The following MET variants were observed in gnomAD, a reference collection of about 807,000 sequenced individuals.
MET encodes MET proto-oncogene, receptor tyrosine kinase, also known as hepatocyte growth factor receptor.
MET carries 48 observed loss-of-function variants against 133.1 expected under a neutral mutation model. That is an observed-to-expected ratio of 0.36 (90% CI 0.29 to 0.46). MET has a LOEUF of 0.46. MET is among the 20% of genes least tolerant of loss of function. The pLI, the probability that MET is intolerant of heterozygous loss-of-function variation, is 1.00. For synonymous variants in MET, 628 were observed against 616.5 expected (o/e 1.02, Z -0.28); for missense variants, 1,442 against 1,695.9 (o/e 0.85, Z 2.63).
chr7:116,764,246 G>C (rs900017008), intron 11 of MET, among the ~76,000 whole-genome samples: 5 of 152,062 alleles, frequency 3.3e-5, no homozygotes, highest in African/African-American at 1.2e-4. Flanking sequence ...CCTCATTATT[G>C]TGTTTTGTAC....
intron 10 of MET, 122 bp downstream of exon 10, chr7:116,759,612 A>T (rs1794318508): frequency 9.3e-7 from 1 of 1,071,824 alleles, no homozygotes; most frequent in Admixed American, 2.0e-5. Context: ...ATTTCCTTGC[A>T]GTGTAGCCAA....
chr7:116,683,393 T>C (rs1471475217), intron 1 of MET, among the ~76,000 whole-genome samples: 1 of 152,230 alleles, frequency 6.6e-6, no homozygotes, highest in Non-Finnish European at 1.5e-5. Flanking sequence ...CAGAATCTCA[T>C]TCTTTTTTAT....
chr7:116,796,202 A>T lies in MET; in HGVS notation c.*78A>T. 7.3e-7 allele frequency: 1 copy of T among 1,366,446 alleles called. No individual in the cohort carries two copies. The highest frequency in any genetic ancestry group is 1.2e-5 in the South Asian group (1 of 85,760). The allele number at this position is 1,366,446 out of a possible 1,614,324, so 84.6% of individuals were successfully genotyped here. On this transcript the variant is annotated 3_prime_UTR_variant, in exon 21 of 21. Transcript: ENST00000397752. ...CTGCCTGACCTTTAAAAGGCCATCG[A>T]TATTCTTTGCTCTTGCCAAAATTGC...
At position 116,683,276 on chromosome 7, in the gene MET, G is replaced by A. The variant is rs114709616; in HGVS notation, c.-15+10699G>A. Among the ~76,000 whole-genome samples the A allele has an allele frequency of 4.6e-3, 704 of 152,176 alleles. 4 individuals are homozygous for A. The highest frequency in any genetic ancestry group is 0.016 in the African/African-American group (663 of 41,528). ...TTCTTTGTGTTCATAGGTTCTCATC[G>A]TTTAGCTCCCACTTATAAGTGAGAA... On this transcript the variant is annotated intron_variant, in intron 1 of 20. Transcript: ENST00000397752.
intron 11 of MET, among the ~76,000 whole-genome samples, chr7:116,763,748 T>A (rs988091939): frequency 2.0e-5 from 3 of 152,212 alleles, no homozygotes; most frequent in African/African-American, 7.2e-5. Flanking sequence ...AGGAACATAT[T>A]AGCTTCTAAA....
intron 2 of MET, among the ~76,000 whole-genome samples, chr7:116,727,545 C>A (rs1252217722): frequency 2.0e-5 from 3 of 152,156 alleles, no homozygotes; most frequent in Non-Finnish European, 4.4e-5. Flanking sequence ...TGGTTCCCTG[C>A]GGGTGCTGGT....
intron 4 of MET, 139 bp from the exon 5 acceptor site, chr7:116,740,713 C>G: frequency 9.8e-7 from 1 of 1,023,576 alleles, no homozygotes; most frequent in Non-Finnish European, 1.5e-6. Flanking sequence ...ACCGTTATGA[C>G]AGGATTTGCA....
At chr7:116,703,435 T>C in intron 2 of MET, among the ~76,000 whole-genome samples, 1 of 152,170 alleles carries the variant, frequency 6.6e-6, no homozygotes, top group East Asian at 1.9e-4. Context: ...TGATTGAAGT[T>C]GTTTTAGGCT....
At chr7:116,713,312 G>A (rs901007056) in intron 2 of MET, among the ~76,000 whole-genome samples, 1 of 151,204 alleles carries the variant, frequency 6.6e-6, no homozygotes, top group South Asian at 2.1e-4. Context: ...GGAGAATGGC[G>A]TGAACCCGGG....
At chr7:116,746,080 A>G (rs1486638297) in intron 5 of MET, among the ~76,000 whole-genome samples, 1 of 152,250 alleles carries the variant, frequency 6.6e-6, no homozygotes, top group African/African-American at 2.4e-5. Flanking sequence ...AAACCAATTT[A>G]CAAGAAAAAT....
intron 1 of MET, among the ~76,000 whole-genome samples, chr7:116,696,415 C>T (rs1247695567): frequency 1.3e-5 from 2 of 152,148 alleles, no homozygotes; most frequent in East Asian, 3.8e-4. Flanking sequence ...TTTTGCTTGT[C>T]TTCCCTTTGA....
chr7:116,700,714 G>T (rs953969205), intron 2 of MET, among the ~76,000 whole-genome samples: 5 of 152,130 alleles, frequency 3.3e-5, no homozygotes, highest in Non-Finnish European at 5.9e-5. Flanking sequence ...AAGCTAATTT[G>T]TATGCCTTAA....
At chr7:116,707,173 AG>A (rs1015342126) in intron 2 of MET, among the ~76,000 whole-genome samples, 1 of 152,088 alleles carries the variant, frequency 6.6e-6, no homozygotes, top group Non-Finnish European at 1.5e-5. Context: ...TCCCCACAAG[AG>A]GAAAGAAAAA....
At position 116,796,083 on chromosome 7, in the gene MET, G is replaced by A. The variant is rs1795665686; in HGVS notation, c.4132G>A (p.Glu1378Lys). 2 of 1,614,136 alleles carry A rather than the reference G, an allele frequency of 1.2e-6. No homozygotes were observed. Among genetic ancestry groups the A allele is most frequent in the Non-Finnish European group, 1.7e-6 (2 of 1,180,028 alleles). The change falls in exon 21 of 21, where the codon GAG (glutamate) becomes AAG (lysine). Residue 1378 changes from glutamate (E) to lysine (K), a missense_variant. Coordinates refer to ENST00000397752, the MANE Select transcript of MET (RefSeq NM_000245.4). ...GTCATCAGAAGATAACGCTGATGAT[G>A]AGGTGGACACACGACCAGCCTCCTT... is the stretch of plus-strand genomic sequence containing the variant. Reference protein sequence around the residue: ...LLSSEDNADDEVDTRPASFWE... With the variant: ...LLSSEDNADDKVDTRPASFWE...
At chr7:116,767,887 G>A (rs1303869254) in intron 11 of MET, among the ~76,000 whole-genome samples, 1 of 148,532 alleles carries the variant, frequency 6.7e-6, no homozygotes, top group Non-Finnish European at 1.5e-5. Context: ...TTCCTTTTTT[G>A]GGCCCCATTG....
chr7:116,682,569 A>G (rs10258960), intron 1 of MET, among the ~76,000 whole-genome samples: 2,515 of 152,332 alleles, frequency 0.017, 57 homozygotes, highest in African/African-American at 0.056. Flanking sequence ...ATTACAAGGA[A>G]TTTACCACTG....
intron 11 of MET, among the ~76,000 whole-genome samples, chr7:116,767,455 C>T (rs1794667986): frequency 2.6e-5 from 4 of 152,104 alleles, no homozygotes; most frequent in South Asian, 2.1e-4. Flanking sequence ...ACACAGTAGA[C>T]GGTAAGTAGA....
chr7:116,783,520 CT>C, intron 19 of MET, 51 bp downstream of exon 19: 1 of 1,603,424 alleles, frequency 6.2e-7, no homozygotes, highest in Non-Finnish European at 8.5e-7. Flanking sequence ...TCATATCCAA[CT>C]TTTTTTGAAG....
At chr7:116,696,304 C>G (rs1796965143) in intron 1 of MET, among the ~76,000 whole-genome samples, 1 of 152,132 alleles carries the variant, frequency 6.6e-6, no homozygotes, top group Admixed American at 6.6e-5. Flanking sequence ...GGCATCATGT[C>G]TTTGTAGACA....
Sources: allele counts gnomAD v4.1 joint callset (sites outside exome capture counted in the v4.1 genomes callset), GRCh38; gene constraint gnomAD v4.1.1; transcripts MANE v1.5; gene names NCBI Gene and HGNC (gene_info 2026-07-23, HGNC 2026-07-21).